The following FAM20C variants were observed in gnomAD, a reference collection of about 807,000 sequenced individuals.
FAM20C encodes FAM20C golgi associated secretory pathway kinase, also known as extracellular serine/threonine protein kinase FAM20C.
In FAM20C, 40 loss-of-function variants were observed where a neutral mutation model predicts 51.5. That is an observed-to-expected ratio of 0.78 (90% CI 0.60 to 1.01). The LOEUF is 1.01. Among genes scored for constraint, FAM20C ranks in the 50% least tolerant of loss-of-function variants. The probability of loss-of-function intolerance (pLI) is 0.00; values close to 1 mark genes in which losing one functional copy is unlikely to be tolerated. For synonymous variants in FAM20C, 406 were observed against 380.6 expected (o/e 1.07, Z -0.78); for missense variants, 861 against 844.7 (o/e 1.02, Z -0.24).
intron 2 of FAM20C, among the ~76,000 whole-genome samples, chr7:203,278 G>A (rs971987983): frequency 4.6e-5 from 7 of 152,262 alleles, no homozygotes; most frequent in African/African-American, 1.7e-4. Context: ...CCCGTCCCCA[G>A]GACCTGTGCC....
intron 9 of FAM20C, among the ~76,000 whole-genome samples, chr7:259,083 C>T (rs966271473): frequency 5.9e-5 from 9 of 152,348 alleles, no homozygotes; most frequent in East Asian, 1.9e-4. Flanking sequence ...CCCTTTCCCC[C>T]GTTTCATGGC....
At position 259,718 on chromosome 7, in the gene FAM20C, C is replaced by T; in HGVS notation, c.1506-13C>T. 6.5e-7 allele frequency: 1 copy of T among 1,528,464 alleles called. No individual in the cohort carries two copies. The highest frequency in any genetic ancestry group is 8.8e-7 in the Non-Finnish European group (1 of 1,140,948). 94.7% of individuals were successfully genotyped at this position (1,528,464 alleles called of 1,614,324 possible). A position where few individuals can be genotyped will look rare whatever the true frequency, so the allele number is the denominator to read the frequency against. On this transcript the variant is annotated splice_polypyrimidine_tract_variant and intron_variant, in intron 9 of 9. Transcript: ENST00000313766. ...CTGTCCCGTGCCAGGCCTGATGCCCCTCTCCTCCCCAGGATCCGGAAGTCC... is the reference window on the plus strand; with the variant it reads ...CTGTCCCGTGCCAGGCCTGATGCCCTTCTCCTCCCCAGGATCCGGAAGTCC...
intron 2 of FAM20C, among the ~76,000 whole-genome samples, chr7:201,534 C>T (rs571867010): frequency 1.4e-4 from 21 of 152,294 alleles, no homozygotes; most frequent in African/African-American, 4.8e-4. Context: ...CTTTCAGGGC[C>T]GTCTCTCCCT....
In FAM20C at chr7:208,600, G is replaced by T. The variant is rs116959702; in HGVS notation, c.785-298G>T. Among the ~76,000 whole-genome samples the T allele has an allele frequency of 2.2e-4, 17 of 77,038 alleles. 1 individual carries two copies. The highest frequency in any genetic ancestry group is 1.6e-3 in the South Asian group (4 of 2,548). The allele number at this position is 77,038 out of a possible 152,430, so 50.5% of individuals were successfully genotyped here. The stretch of plus-strand genomic sequence containing the variant: ...GCTGTGTGGGGTGTGTGCTGATGTG[G>T]GTGGCTTATACGTGTGTGTCCAGGT... On this transcript the variant is annotated intron_variant, in intron 2 of 9. Transcript: ENST00000313766.
intron 2 of FAM20C, among the ~76,000 whole-genome samples, chr7:199,214 G>T (rs373568420): frequency 1.3e-5 from 2 of 152,248 alleles, no homozygotes; most frequent in African/African-American, 4.8e-5. Context: ...CGAACTTCCA[G>T]TTGGAGGATC....
rs1324316208 is a variant in FAM20C, at chr7:220,717, G to A, written c.863+11741G>A. On this transcript the variant is annotated intron_variant, in intron 3 of 9. Transcript: ENST00000313766. Reference sequence around the variant, plus strand: ...GCCACGTGTGCAGGGGAGAGAGGCCGGAGGGAGGGCGGGACCCGTGCACAC... The same window carrying A: ...GCCACGTGTGCAGGGGAGAGAGGCCAGAGGGAGGGCGGGACCCGTGCACAC... Among the ~76,000 whole-genome samples, 6 of 152,206 alleles carry A rather than the reference G, an allele frequency of 3.9e-5. No individual in the cohort carries two copies. In the East Asian group the frequency reaches 7.7e-4, roughly 20 times the overall value.
chr7:230,178 T>C (rs1453054175), intron 3 of FAM20C, among the ~76,000 whole-genome samples: 2 of 151,682 alleles, frequency 1.3e-5, no homozygotes, highest in Non-Finnish European at 2.9e-5. Context: ...CCTGTCCTCA[T>C]AAGAGGGAGG....
chr7:200,710 G>A (rs1349861477), intron 2 of FAM20C, among the ~76,000 whole-genome samples: 1 of 152,244 alleles, frequency 6.6e-6, no homozygotes, highest in Non-Finnish European at 1.5e-5. Context: ...AGTCTGGGGT[G>A]GAGGCGGTTC....
intron 3 of FAM20C, among the ~76,000 whole-genome samples, chr7:241,586 C>A (rs1451982992): frequency 2.1e-5 from 3 of 140,238 alleles, no homozygotes; most frequent in African/African-American, 8.4e-5. Flanking sequence ...GTGTGCACTC[C>A]TGCGAGTGTG....
In FAM20C at chr7:260,172, C is replaced by G; in HGVS notation, c.*192C>G. On this transcript the variant is annotated 3_prime_UTR_variant, in exon 10 of 10. Transcript: ENST00000313766. Reference sequence around the variant, plus strand: ...TTTTGTCAGTGTTTGACCAGAAAAGCTTGGGAAGGAAGCGCTGTCTGTGCT... The same window carrying G: ...TTTTGTCAGTGTTTGACCAGAAAAGGTTGGGAAGGAAGCGCTGTCTGTGCT... 1 of 810,770 alleles carries G rather than the reference C, an allele frequency of 1.2e-6. No homozygotes were observed. The highest frequency in any genetic ancestry group is 1.8e-6 in the Non-Finnish European group (1 of 562,932). 50.2% of individuals were successfully genotyped at this position (810,770 alleles called of 1,614,324 possible).
chr7:232,467 G>T (rs909205489), intron 3 of FAM20C, among the ~76,000 whole-genome samples: 2 of 152,232 alleles, frequency 1.3e-5, no homozygotes, highest in Non-Finnish European at 2.9e-5. Flanking sequence ...TGACTGTAGA[G>T]CAGGGGGTCC....
intron 3 of FAM20C, 68 bp from the exon 4 acceptor site, chr7:246,347 C>T (rs999127812): frequency 4.2e-5 from 56 of 1,338,438 alleles, no homozygotes; most frequent in African/African-American, 3.8e-4. Context: ...CAGCACGTCC[C>T]GCCTGCCTCC....
intron 1 of FAM20C, chr7:194,132 G>A: frequency 3.3e-6 from 1 of 302,458 alleles, no homozygotes; most frequent in Admixed American, 4.8e-5. Flanking sequence ...ATGAGTTGGT[G>A]AGGGAAGGAG....
chr7:246,463 C>A lies in FAM20C; in HGVS notation c.912C>A (p.Asp304Glu). The A allele has an allele frequency of 6.5e-7, 1 of 1,536,934 alleles. No individual in the cohort carries two copies. The highest frequency in any genetic ancestry group is 8.7e-7 in the Non-Finnish European group (1 of 1,146,812). The change falls in exon 4 of 10, where the codon GAC becomes GAA. Residue 304 changes from aspartate to glutamate, a missense_variant. Asp to Glu is a conservative substitution (Grantham distance 45). Around this residue, in one of 3 missense-constraint regions of FAM20C, gnomAD observed 561 missense variants for 499.8 expected, o/e 1.12. Transcript: ENST00000313766. ...ETPPDFFYFS[D>E]YERHNAEIAA... ...CCCCTGACTTTTTTTATTTCTCTGA[C>A]TACGAGAGGCACAATGCGGAGATTG...
At chr7:257,270 C>T in intron 8 of FAM20C, 184 bp downstream of exon 8, 1 of 624,662 alleles carries the variant, frequency 1.6e-6, no homozygotes, top group Non-Finnish European at 2.8e-6. Flanking sequence ...GGAGGGAGGG[C>T]CGCCCCGGGA....
intron 5 of FAM20C, among the ~76,000 whole-genome samples, chr7:255,601 C>A (rs1449329183): frequency 6.6e-6 from 1 of 152,182 alleles, no homozygotes; most frequent in Non-Finnish European, 1.5e-5. Context: ...AGACCAGCCC[C>A]TGATTTTCGA....
chr7:226,725 C>T (rs1787464115), intron 3 of FAM20C, among the ~76,000 whole-genome samples: 1 of 152,228 alleles, frequency 6.6e-6, no homozygotes, highest in African/African-American at 2.4e-5. Flanking sequence ...TGATGATTTA[C>T]TGGTGGCCAA....
chr7:210,144 G>A (rs28541851), intron 3 of FAM20C, among the ~76,000 whole-genome samples: 5,580 of 152,348 alleles, frequency 0.037, 129 homozygotes, highest in Middle Eastern at 0.085. Context: ...CAGGGCCTGG[G>A]GCTGAGGGCT....
intron 3 of FAM20C, among the ~76,000 whole-genome samples, chr7:217,419 T>A (rs1787047090): frequency 6.6e-6 from 1 of 152,174 alleles, no homozygotes; most frequent in Non-Finnish European, 1.5e-5. Context: ...CCCTTTAGGG[T>A]AGAGCTGCAT....
Sources: allele counts gnomAD v4.1 joint callset (sites outside exome capture counted in the v4.1 genomes callset), GRCh38; gene constraint gnomAD v4.1.1; regional missense constraint gnomAD v4.1.1; transcripts MANE v1.5; gene names NCBI Gene and HGNC (gene_info 2026-07-23, HGNC 2026-07-21).